Variants in TAMALIN observed in about 807,000 individuals in gnomAD.
TAMALIN encodes the protein protein TAMALIN.
TAMALIN carries 9 observed loss-of-function variants against 38.5 expected under a neutral mutation model. The observed-to-expected ratio is 0.23, with a 90% CI of 0.14 to 0.41. The LOEUF (loss-of-function observed/expected upper bound fraction) is 0.41. TAMALIN is among the 10% of genes least tolerant of loss of function. The probability of loss-of-function intolerance (pLI) is 1.00; values close to 1 mark genes in which losing one functional copy is unlikely to be tolerated. For missense variants in TAMALIN, 548 were observed against 554.1 expected (o/e 0.99, Z 0.11); for synonymous variants, 306 against 256.5 (o/e 1.19, Z -1.85).
chr12:52,008,934 G>A (rs529447299), intron 1 of TAMALIN, among the ~76,000 whole-genome samples: 5 of 152,334 alleles, frequency 3.3e-5, no homozygotes, highest in Non-Finnish European at 2.9e-5. Context: ...GGGCTTAGAG[G>A]TTCATGGATC....
intron 1 of TAMALIN, chr12:52,008,402 T>TGCGCCCCACCC: frequency 1.0e-6 from 1 of 984,098 alleles, no homozygotes; most frequent in Non-Finnish European, 1.2e-6. Flanking sequence ...CTCTCATCCT[T>TGCGCCCCACCC]CCTCCACACC....
chr12:52,015,220 G>A lies in TAMALIN; in HGVS notation c.*21G>A, dbSNP rs1937780301. ...TGTAGGGGCGGGGGCGGGCAGGGAG[G>A]TATTTATTTATTTATTCGCAACAGC... On this transcript the variant is annotated 3_prime_UTR_variant, in exon 8 of 8. Transcript: ENST00000293662. The A allele has an allele frequency of 1.3e-6, 2 of 1,572,248 alleles. No homozygotes were observed. The highest frequency in any genetic ancestry group is 8.6e-7 in the Non-Finnish European group (1 of 1,168,766).
At chr12:52,013,983 T>C (rs751611231) in intron 6 of TAMALIN, 40 bp downstream of exon 6, 1 of 1,602,730 alleles carries the variant, frequency 6.2e-7, no homozygotes, top group African/African-American at 1.3e-5. Context: ...CACCCTCCTC[T>C]TCCCAAGCCT....
At chr12:52,013,566 G>C in intron 4 of TAMALIN, 121 bp from the exon 5 acceptor site, 2 of 737,238 alleles carry the variant, frequency 2.7e-6, no homozygotes, top group Non-Finnish European at 4.8e-6. Context: ...AGTTGGAGGA[G>C]GGAGTTCAGG....
At position 52,013,721 on chromosome 12, in the gene TAMALIN, G is replaced by A. The variant is rs1464930332; in HGVS notation, c.489G>A (p.Val163=). 6.2e-7 allele frequency: 1 copy of A among 1,614,166 alleles called. No individual in the cohort carries two copies. The highest frequency in any genetic ancestry group is 1.7e-5 in the Admixed American group (1 of 60,030). The change falls in exon 5 of 8, where the codon GTG becomes GTA. Residue 163 remains valine, a synonymous_variant. Transcript: ENST00000293662. The part of the protein sequence containing the change: ...DTIASVNGLN[V]EGIRHREIVD... ...TCGCCAGCGTCAATGGCCTGAATGT[G>A]GAAGGCATCCGGCATCGAGAGATTG...
At chr12:52,008,842 C>A in intron 1 of TAMALIN, 1 of 773,020 alleles carries the variant, frequency 1.3e-6, no homozygotes, top group Non-Finnish European at 1.6e-6. Context: ...ATGGCCTGAG[C>A]CTCTACAGAC....
Position 52,015,004 on chromosome 12 carries a change from C to T in TAMALIN, c.993C>T (p.Ser331=). 2 of 1,049,438 alleles carry T rather than the reference C, an allele frequency of 1.9e-6. No individual in the cohort carries two copies. The highest frequency in any genetic ancestry group is 2.3e-6 in the Non-Finnish European group (2 of 867,516). The allele number at this position is 1,049,438 out of a possible 1,614,324, so 65.0% of individuals were successfully genotyped here. A position where few individuals can be genotyped will look rare whatever the true frequency, so the allele number is the denominator to read the frequency against. ...GPGPRAALSR[S]ASVRCAGPGG... The stretch of plus-strand genomic sequence containing the variant: ...GGCCGCGGGCCGCGCTGAGCCGCAG[C>T]GCCAGTGTGCGGTGCGCGGGCCCTG... The change falls in exon 8 of 8, where the codon AGC becomes AGT. Residue 331 remains serine, a synonymous_variant. Coordinates refer to ENST00000293662, the MANE Select transcript of TAMALIN (RefSeq NM_181711.4).
chr12:52,007,533 C>T lies in TAMALIN; in HGVS notation c.246+268C>T, dbSNP rs1303679893. On this transcript the variant is annotated intron_variant, in intron 1 of 7. Coordinates refer to ENST00000293662, the MANE Select transcript of TAMALIN (RefSeq NM_181711.4). This position sits in a 1 kb window ranked among gnomAD's most constrained non-coding sequence, Gnocchi z 6.7. ...CTTGACTCCTCCCAGCACCCCCCTT[C>T]TCCTACCCGCTCCATCTGGCTTTCT... 2.0e-6 allele frequency: 2 copies of T among 984,138 alleles called. No individual in the cohort carries two copies. The highest frequency in any genetic ancestry group is 3.5e-5 in the African/African-American group (2 of 57,142). 61.0% of individuals were successfully genotyped at this position (984,138 alleles called of 1,614,324 possible). A position where few individuals can be genotyped will look rare whatever the true frequency, so the allele number is the denominator to read the frequency against.
chr12:52,015,389 T>C lies in TAMALIN; in HGVS notation c.*190T>C. ...GTGGGGGGCCCAGCCCCTTCTCTTC[T>C]CCCCCGCCAAACCACAGTGGGAGCT... On this transcript the variant is annotated 3_prime_UTR_variant, in exon 8 of 8. Transcript: ENST00000293662. 6.3e-6 allele frequency: 4 copies of C among 632,320 alleles called. No individual in the cohort carries two copies. Among genetic ancestry groups the C allele is most frequent in the South Asian group, 2.3e-5 (1 of 42,748 alleles). 39.2% of individuals were successfully genotyped at this position (632,320 alleles called of 1,614,324 possible).
At chr12:52,008,453 T>C (rs956582963) in intron 1 of TAMALIN, 4 of 985,132 alleles carry the variant, frequency 4.1e-6, no homozygotes, top group Non-Finnish European at 4.8e-6. Flanking sequence ...CTCGGTCCTT[T>C]AGTGAGACTT....
chr12:52,011,114 C>T lies in TAMALIN; in HGVS notation c.427C>T (p.Pro143Ser), dbSNP rs1937634673. 1.2e-5 allele frequency: 20 copies of T among 1,612,626 alleles called. No individual in the cohort carries two copies. Among genetic ancestry groups the T allele is most frequent in the Non-Finnish European group, 1.7e-5 (20 of 1,179,986 alleles). Residue 143 changes from proline (P) to serine (S), a missense_variant, in exon 4 of 8, where the codon CCT becomes TCT. Around this residue, in one of 3 missense-constraint regions of TAMALIN, gnomAD observed 415 missense variants for 417.0 expected, o/e 1.00. Coordinates refer to ENST00000293662, the MANE Select transcript of TAMALIN (RefSeq NM_181711.4). The surrounding 1 kb of genome is among the most constrained non-coding windows in gnomAD (Gnocchi z 5.3). Reference sequence around the variant, plus strand: ...TGTCTGCCGAGTTCATGAGTCTAGCCCTGCCCAGCTGGCTGGGCTCACACC... The same window carrying T: ...TGTCTGCCGAGTTCATGAGTCTAGCTCTGCCCAGCTGGCTGGGCTCACACC... ...TFVCRVHESSPAQLAGLTPGD... is the reference protein window; with the variant it reads ...TFVCRVHESSSAQLAGLTPGD...
At position 52,011,476 on chromosome 12, in the gene TAMALIN, C is replaced by CA; in HGVS notation, c.454+336dup. On this transcript the variant is annotated intron_variant, in intron 4 of 7. Coordinates refer to ENST00000293662, the MANE Select transcript of TAMALIN (RefSeq NM_181711.4). This position sits in a 1 kb window ranked among gnomAD's most constrained non-coding sequence, Gnocchi z 5.3. ...TCCTCCCAGCAACCCTGGCAGTCAG[C>CA]ATGGGCAGGAGCCAGGGAAGAAGCA... The CA allele has an allele frequency of 1.8e-6, 1 of 564,906 alleles. No homozygotes were observed. 35.0% of individuals were successfully genotyped at this position (564,906 alleles called of 1,614,324 possible). A position where few individuals can be genotyped will look rare whatever the true frequency, so the allele number is the denominator to read the frequency against.
At chr12:52,014,662 A>G in intron 7 of TAMALIN, 32 bp from the exon 8 acceptor site, 1 of 1,433,684 alleles carries the variant, frequency 7.0e-7, no homozygotes, top group African/African-American at 1.4e-5. Flanking sequence ...TCCAGGCCTG[A>G]CCCGCCCCCT....
chr12:52,015,276 G>A lies in TAMALIN; in HGVS notation c.*77G>A, dbSNP rs1461040881. ...CTAAAAGAGGGGGAGGCCGAGCCAAGAGGACCCCAGGAGCCCAGAGCAGCG... is the reference window on the plus strand; with the variant it reads ...CTAAAAGAGGGGGAGGCCGAGCCAAAAGGACCCCAGGAGCCCAGAGCAGCG... On this transcript the variant is annotated 3_prime_UTR_variant, in exon 8 of 8. Coordinates refer to ENST00000293662, the MANE Select transcript of TAMALIN (RefSeq NM_181711.4). The A allele has an allele frequency of 6.9e-7, 1 of 1,455,088 alleles. No individual in the cohort carries two copies. Among genetic ancestry groups the A allele is most frequent in the Non-Finnish European group, 9.1e-7 (1 of 1,104,468 alleles). The allele number at this position is 1,455,088 out of a possible 1,614,324, so 90.1% of individuals were successfully genotyped here.
chr12:52,007,184 G>C lies in TAMALIN; in HGVS notation c.165G>C (p.Leu55=). The C allele has an allele frequency of 3.3e-6, 5 of 1,515,494 alleles. No individual in the cohort carries two copies. Among genetic ancestry groups the C allele is most frequent in the Non-Finnish European group, 4.4e-6 (5 of 1,142,592 alleles). The allele number at this position is 1,515,494 out of a possible 1,614,324, so 93.9% of individuals were successfully genotyped here. The change falls in exon 1 of 8, where the codon CTG becomes CTC. Residue 55 remains leucine (L), a synonymous_variant. Coordinates refer to ENST00000293662, the MANE Select transcript of TAMALIN (RefSeq NM_181711.4). This position sits in a 1 kb window ranked among gnomAD's most constrained non-coding sequence, Gnocchi z 6.7. ...AATPGPPADE[L]YAALEDYHPA... ...CCCCTGGGCCCCCAGCGGACGAGCT[G>C]TACGCGGCGCTGGAGGACTATCACC...
rs901965736 is a variant in TAMALIN, at chr12:52,007,491, C to T, written c.246+226C>T. ...GGCTCTTAACTCCGCGCCCCATGCA[C>T]GCCCCCTCTCTCCCTCCTTGACTCC... On this transcript the variant is annotated intron_variant, in intron 1 of 7. Transcript: ENST00000293662. This position sits in a 1 kb window ranked among gnomAD's most constrained non-coding sequence, Gnocchi z 6.7. 11 of 984,468 alleles carry T rather than the reference C, an allele frequency of 1.1e-5. No individual in the cohort carries two copies. The highest frequency in any genetic ancestry group is 1.3e-5 in the Non-Finnish European group (11 of 829,320). 61.0% of individuals were successfully genotyped at this position (984,468 alleles called of 1,614,324 possible).
intron 1 of TAMALIN, chr12:52,008,262 G>C (rs1322181959): frequency 1.0e-6 from 1 of 985,172 alleles, no homozygotes; most frequent in African/African-American, 1.7e-5. Flanking sequence ...GAACAGAAAG[G>C]CCCTGGGCTG....
chr12:52,014,790 G>A lies in TAMALIN; in HGVS notation c.779G>A (p.Gly260Glu). Residue 260 changes from glycine (G) to glutamate (E), a missense_variant, in exon 8 of 8, where the codon GGG becomes GAG. Gly to Glu is a moderately conservative substitution (Grantham distance 98). This residue lies in a region of TAMALIN where 415 missense variants were observed against 417.0 expected (regional missense o/e 1.00). Transcript: ENST00000293662. ...CTGCTCCCGGGCTCGCTGCCCTTCG[G>A]GCCTCTGCTCGCCGTGCCCGGGCGT... ...AGLLPGSLPF[G>E]PLLAVPGRPR... 7.0e-7 allele frequency: 1 copy of A among 1,437,992 alleles called. No homozygotes were observed. The highest frequency in any genetic ancestry group is 9.1e-7 in the Non-Finnish European group (1 of 1,103,416). The allele number at this position is 1,437,992 out of a possible 1,614,324, so 89.1% of individuals were successfully genotyped here. A position where few individuals can be genotyped will look rare whatever the true frequency, so the allele number is the denominator to read the frequency against.
chr12:52,011,876 C>T lies in TAMALIN; in HGVS notation c.454+735C>T, dbSNP rs1368993245. Among the ~76,000 whole-genome samples, 1 of 152,100 alleles carries T rather than the reference C, an allele frequency of 6.6e-6. No individual in the cohort carries two copies. Among genetic ancestry groups the T allele is most frequent in the Non-Finnish European group, 1.5e-5 (1 of 68,018 alleles). On this transcript the variant is annotated intron_variant, in intron 4 of 7. Coordinates refer to ENST00000293662, the MANE Select transcript of TAMALIN (RefSeq NM_181711.4). The surrounding 1 kb of genome is among the most constrained non-coding windows in gnomAD (Gnocchi z 5.3). Reference sequence around the variant, plus strand: ...CCCCTCCACCATCTTTGCCCCTAAGCCCCTACCTCCTTCCCACTTACCAGC... The same window carrying T: ...CCCCTCCACCATCTTTGCCCCTAAGTCCCTACCTCCTTCCCACTTACCAGC...
Sources: allele counts gnomAD v4.1 joint callset (sites outside exome capture counted in the v4.1 genomes callset), GRCh38; gene constraint gnomAD v4.1.1; regional missense constraint gnomAD v4.1.1; non-coding constraint Gnocchi (gnomAD v3.1); transcripts MANE v1.5; gene names NCBI Gene and HGNC (gene_info 2026-07-23, HGNC 2026-07-21).